KLKB1: variants seen among roughly 807,000 people sequenced by gnomAD.
The protein encoded by KLKB1 is kallikrein B1.
KLKB1 carries 58 observed loss-of-function variants against 73.6 expected under a neutral mutation model. The ratio of observed to expected loss-of-function variants is 0.79; its 90% CI spans 0.64 to 0.98. KLKB1 has a LOEUF of 0.98. Ranked by LOEUF, KLKB1 falls within the 50% of genes least tolerant of loss-of-function variation. The probability of loss-of-function intolerance (pLI) is 0.00; values close to 1 mark genes in which losing one functional copy is unlikely to be tolerated. For synonymous variants in KLKB1, 280 were observed against 258.1 expected, an observed-to-expected ratio of 1.08 and a Z score of -0.81; for missense variants, 737 against 763.8, an observed-to-expected ratio of 0.96 and a Z score of 0.41.
chr4:186,229,017 T>C (rs1432272734), intron 2 of KLKB1: 1 of 151,930 alleles, frequency 6.6e-6, no homozygotes, highest in Non-Finnish European at 1.5e-5. Flanking sequence ...AAAGAGACCT[T>C]TTTTTTTCCA....
At chr4:186,232,830 G>GGT (rs950298632) in intron 3 of KLKB1, among the ~76,000 whole-genome samples, 5 of 152,080 alleles carry the variant, frequency 3.3e-5, no homozygotes, top group African/African-American at 7.2e-5. Flanking sequence ...TGCTATGTAT[G>GGT]GTGTGTGTGT....
intron 6 of KLKB1, among the ~76,000 whole-genome samples, chr4:186,245,802 G>GTTTTTTTTTTTTTTTTT (rs755207618): frequency 3.6e-5 from 2 of 54,882 alleles, no homozygotes; most frequent in African/African-American, 1.1e-4. Context: ...AATTTTTGGA[G>GTTTTTTTTTTTTTTTTT]TTTTTTTTTG....
At chr4:186,245,058 G>A (rs530471445) in intron 6 of KLKB1, among the ~76,000 whole-genome samples, 63 of 152,140 alleles carry the variant, frequency 4.1e-4, no homozygotes, top group Admixed American at 8.5e-4. Context: ...TCAGGGAAGC[G>A]GATAATTGAG....
chr4:186,253,460 G>A (rs771818078), intron 11 of KLKB1, among the ~76,000 whole-genome samples: 2 of 152,126 alleles, frequency 1.3e-5, no homozygotes, highest in Non-Finnish European at 2.9e-5. Context: ...TGGTTGGCCT[G>A]GAAGAAAAGT....
At position 186,258,176 on chromosome 4, in the gene KLKB1, C is replaced by T. The variant is rs1324451627; in HGVS notation, c.1881C>T (p.Ser627=). 5.6e-6 allele frequency: 9 copies of T among 1,614,022 alleles called. No individual in the cohort carries two copies. In the Admixed American group the frequency reaches 6.7e-5, roughly 12 times the overall value. ...ACTGGATTTTAGAGAAAACACAGAG[C>T]AGTGATGGAAAAGCTCAGATGCAGT... ...YMDWILEKTQ[S]SDGKAQMQSP... The change falls in exon 15 of 15, where the codon AGC becomes AGT. Residue 627 remains serine, a synonymous_variant. Transcript: ENST00000264690.
chr4:186,256,997 CTCTGTGTGTGTG>C (rs1739033465), intron 13 of KLKB1, among the ~76,000 whole-genome samples: 1 of 148,626 alleles, frequency 6.7e-6, no homozygotes, highest in Non-Finnish European at 1.5e-5. Flanking sequence ...GTCTCTCTCT[CTCTGTGTGTGTG>C]TGTGTGTGTG....
At chr4:186,225,397 TTC>T (rs1456075539), upstream of KLKB1, among the ~76,000 whole-genome samples, 2 of 151,304 alleles carry the variant, frequency 1.3e-5, no homozygotes, top group Admixed American at 1.3e-4. Context: ...TCTTTGAAAA[TTC>T]TCTCTTTGTC....
chr4:186,250,293 G>C lies in KLKB1; in HGVS notation c.649G>C (p.Ala217Pro). The C allele has an allele frequency of 6.2e-7, 1 of 1,614,082 alleles. No individual in the cohort carries two copies. The highest frequency in any genetic ancestry group is 8.5e-7 in the Non-Finnish European group (1 of 1,179,976). ...TCTTGCGTTCTCAGATGTGGATGTT[G>C]CCAGGGTTCTCACTCCAGATGCTTT... ...QHLAFSDVDV[A>P]RVLTPDAFVC... Residue 217 changes from alanine (A) to proline (P), a missense_variant, in exon 7 of 15, where the codon GCC becomes CCC. Physicochemically the swap from Ala to Pro is conservative, Grantham distance 27 (BLOSUM62 -1). Transcript: ENST00000264690.
intron 6 of KLKB1, among the ~76,000 whole-genome samples, chr4:186,241,454 G>A (rs1031000311): frequency 1.3e-5 from 2 of 152,066 alleles, no homozygotes; most frequent in African/African-American, 4.8e-5. Context: ...GTGTTTTAAA[G>A]CCTCCTGCCT....
chr4:186,223,424 G>A (rs188186058), upstream of KLKB1, among the ~76,000 whole-genome samples: 20 of 152,292 alleles, frequency 1.3e-4, no homozygotes, highest in East Asian at 3.9e-4. Flanking sequence ...GCTGATAGTC[G>A]TATTGACAAT....
chr4:186,247,969 C>T (rs2175495), intron 6 of KLKB1, among the ~76,000 whole-genome samples: 52,152 of 152,038 alleles, frequency 0.34, 9,357 homozygotes, highest in Non-Finnish European at 0.39. Context: ...GTATCCAGGC[C>T]GGGCACGGTG....
intron 2 of KLKB1, among the ~76,000 whole-genome samples, chr4:186,215,336 TTCTC>T (rs1736863374): frequency 7.3e-6 from 1 of 137,296 alleles, no homozygotes; most frequent in African/African-American, 2.6e-5. Flanking sequence ...TTCTCTTTCT[TTCTC>T]TTTCTTTCCT....
intron 4 of KLKB1, among the ~76,000 whole-genome samples, chr4:186,236,097 G>A (rs1371457594): frequency 3.7e-5 from 1 of 26,738 alleles, no homozygotes; most frequent in African/African-American, 2.3e-4. Context: ...CTGGGCGACA[G>A]AGCGAGACTC....
chr4:186,250,566 ATTAG>A, intron 7 of KLKB1, 164 bp downstream of exon 7: 1 of 766,752 alleles, frequency 1.3e-6, no homozygotes, highest in Non-Finnish European at 2.3e-6. Flanking sequence ...CCAGGTGCAG[ATTAG>A]TTAAGAGATT....
intron 2 of KLKB1, among the ~76,000 whole-genome samples, chr4:186,215,417 CTTGCTT>C (rs1435355090): frequency 1.6e-4 from 2 of 12,646 alleles, no homozygotes; most frequent in Non-Finnish European, 2.9e-4. Context: ...TGCTTTCTCT[CTTGCTT>C]TCTCTCTCTC....
At chr4:186,241,337 G>C (rs985572100) in intron 6 of KLKB1, among the ~76,000 whole-genome samples, 1 of 152,116 alleles carries the variant, frequency 6.6e-6, no homozygotes, top group Admixed American at 6.5e-5. Flanking sequence ...AGAAGTGAAG[G>C]TGCTCCGGGG....
upstream of KLKB1, among the ~76,000 whole-genome samples, chr4:186,223,151 A>T (rs1335659738): frequency 6.6e-6 from 1 of 152,160 alleles, no homozygotes; most frequent in Admixed American, 6.5e-5. Context: ...CCCAGCCATG[A>T]GGAACTGTGA....
At chr4:186,252,326 T>C (rs1188522342) in intron 11 of KLKB1, 141 bp downstream of exon 11, 10 of 952,560 alleles carry the variant, frequency 1.0e-5, no homozygotes, top group African/African-American at 8.1e-5. Flanking sequence ...ATTTAACTTA[T>C]AGGGTCCAAG....
chr4:186,236,463 C>G (rs1180348802), intron 4 of KLKB1, among the ~76,000 whole-genome samples: 1 of 152,096 alleles, frequency 6.6e-6, no homozygotes, highest in Non-Finnish European at 1.5e-5. Context: ...ATTATTATTG[C>G]CTTGTTTATT....
Sources: gnomAD v4.1 joint callset for allele counts (sites outside exome capture counted in the v4.1 genomes callset) on GRCh38, gnomAD v4.1.1 for gene constraint, MANE v1.5 for transcripts, NCBI Gene and HGNC (gene_info 2026-07-23, HGNC 2026-07-21) for gene names.